The following GRM8 variants were observed in gnomAD, a reference collection of about 807,000 sequenced individuals.
GRM8 encodes the protein glutamate metabotropic receptor 8, also known as metabotropic glutamate receptor 8.
Under a neutral mutation model 87.2 loss-of-function variants are expected in GRM8, and 47 were observed. The ratio of observed to expected loss-of-function variants is 0.54; its 90% confidence interval spans 0.43 to 0.69. GRM8 has a LOEUF of 0.69. Among genes scored for constraint, GRM8 ranks in the 30% least tolerant of loss-of-function variants. GRM8 has a pLI of 0.00. For missense variants in GRM8, 1,019 were observed against 1,139.2 expected (o/e 0.89, Z 1.52); for synonymous variants, 396 against 404.5 (o/e 0.98, Z 0.25).
intron 6 of GRM8, among the ~76,000 whole-genome samples, chr7:126,867,325 G>A (rs965474010): frequency 2.0e-5 from 3 of 152,136 alleles, no homozygotes; most frequent in Non-Finnish European, 2.9e-5. Flanking sequence ...ACACTGCCCC[G>A]ATGCAGCCTT....
intron 6 of GRM8, among the ~76,000 whole-genome samples, chr7:126,774,130 C>A (rs1343206912): frequency 2.0e-5 from 3 of 152,144 alleles, no homozygotes; most frequent in Non-Finnish European, 2.9e-5. Context: ...AACTGAAAGA[C>A]TGAATACTAT....
At chr7:127,061,984 A>G (rs1383925056) in intron 3 of GRM8, among the ~76,000 whole-genome samples, 2 of 152,018 alleles carry the variant, frequency 1.3e-5, no homozygotes, top group East Asian at 3.9e-4. Context: ...AAAATTTCCT[A>G]CAGAAGAAAG....
At chr7:126,809,257 T>C (rs1018480884) in intron 6 of GRM8, among the ~76,000 whole-genome samples, 1 of 152,172 alleles carries the variant, frequency 6.6e-6, no homozygotes, top group Admixed American at 6.6e-5. Context: ...CAATCTTAAT[T>C]CCATCTACAA....
chr7:126,722,743 T>C (rs1812521047), intron 7 of GRM8, among the ~76,000 whole-genome samples: 1 of 151,770 alleles, frequency 6.6e-6, no homozygotes, highest in Non-Finnish European at 1.5e-5. Context: ...ACAATAATAA[T>C]TGTGGGTCAT....
chr7:126,770,461 A>C (rs1446909411), intron 6 of GRM8, among the ~76,000 whole-genome samples: 1 of 152,052 alleles, frequency 6.6e-6, no homozygotes, highest in African/African-American at 2.4e-5. Context: ...TTAGTGGCCC[A>C]AAGTAAGGTC....
At chr7:127,104,747 C>G (rs1401695964) in intron 3 of GRM8, among the ~76,000 whole-genome samples, 2 of 152,168 alleles carry the variant, frequency 1.3e-5, no homozygotes, top group Non-Finnish European at 2.9e-5. Context: ...ATGATAGAAA[C>G]AGGAGTAATG....
chr7:126,643,405 A>G (rs1802698704), intron 7 of GRM8, among the ~76,000 whole-genome samples: 2 of 142,954 alleles, frequency 1.4e-5, no homozygotes, highest in Admixed American at 1.4e-4. Flanking sequence ...GTGTATTATC[A>G]TGTTATAAAT....
intron 7 of GRM8, among the ~76,000 whole-genome samples, chr7:126,647,047 C>A (rs1803191778): frequency 6.6e-6 from 1 of 151,960 alleles, no homozygotes; most frequent in African/African-American, 2.4e-5. Flanking sequence ...GGGCCTTGTT[C>A]CCAGTGGGTA....
intron 3 of GRM8, among the ~76,000 whole-genome samples, chr7:127,002,969 G>T (rs1586724163): frequency 6.6e-6 from 1 of 151,622 alleles, no homozygotes; most frequent in Admixed American, 6.6e-5. Context: ...GGGAATTGGG[G>T]TCTAAGATCT....
intron 9 of GRM8, among the ~76,000 whole-genome samples, chr7:126,452,982 T>G: frequency 6.6e-6 from 1 of 151,570 alleles, no homozygotes. Context: ...CTGTTCTCTA[T>G]TCATCTTCCT....
chr7:127,075,532 C>A (rs1822168020), intron 3 of GRM8, among the ~76,000 whole-genome samples: 2 of 152,028 alleles, frequency 1.3e-5, no homozygotes, highest in African/African-American at 4.8e-5. Context: ...GGGGGAGGTA[C>A]ATCTAACAAC....
At chr7:126,665,708 A>G (rs1417230779) in intron 7 of GRM8, among the ~76,000 whole-genome samples, 2 of 152,130 alleles carry the variant, frequency 1.3e-5, no homozygotes, top group Non-Finnish European at 2.9e-5. Context: ...CATGCGATAT[A>G]CCTAAACATG....
intron 2 of GRM8, among the ~76,000 whole-genome samples, chr7:127,196,369 A>G (rs1795276736): frequency 6.6e-6 from 1 of 152,034 alleles, no homozygotes; most frequent in Admixed American, 6.5e-5. Context: ...AAATATAAAA[A>G]TTAGCCAGGT....
intron 6 of GRM8, among the ~76,000 whole-genome samples, chr7:126,849,415 G>C (rs748446713): frequency 3.3e-5 from 5 of 152,168 alleles, no homozygotes; most frequent in African/African-American, 4.8e-5. Flanking sequence ...CACAATTAAA[G>C]AGTAGAGAAG....
intron 7 of GRM8, among the ~76,000 whole-genome samples, chr7:126,737,838 C>T (rs770492437): frequency 6.6e-6 from 1 of 152,030 alleles, no homozygotes; most frequent in African/African-American, 2.4e-5. Context: ...AGTAACTTTG[C>T]AATTCAATTG....
intron 3 of GRM8, among the ~76,000 whole-genome samples, chr7:126,912,880 T>G (rs896248422): frequency 2.6e-5 from 4 of 152,236 alleles, no homozygotes; most frequent in Admixed American, 2.6e-4. Context: ...TAAAACTTCC[T>G]TTCAAAGACG....
At chr7:127,210,248 T>C (rs1333950506) in intron 2 of GRM8, among the ~76,000 whole-genome samples, 2 of 152,220 alleles carry the variant, frequency 1.3e-5, no homozygotes, top group Non-Finnish European at 2.9e-5. Flanking sequence ...AATTTAGGCA[T>C]TACAATTCAG....
chr7:127,246,678 C>A (rs1424276695), intron 1 of GRM8, among the ~76,000 whole-genome samples: 1 of 152,180 alleles, frequency 6.6e-6, no homozygotes, highest in East Asian at 1.9e-4. Flanking sequence ...AAGCAGGCAC[C>A]CTGGCTGGAC....
At chr7:127,086,203 C>T (rs557942739) in intron 3 of GRM8, among the ~76,000 whole-genome samples, 15 of 152,140 alleles carry the variant, frequency 9.9e-5, no homozygotes, top group South Asian at 2.1e-4. Flanking sequence ...TGGGTTCAAG[C>T]GATTCTTCTG....
Sources: allele counts gnomAD v4.1 joint callset (sites outside exome capture counted in the v4.1 genomes callset), GRCh38; gene constraint gnomAD v4.1.1; transcripts MANE v1.5; gene names NCBI Gene and HGNC (gene_info 2026-07-23, HGNC 2026-07-21).